Variants in CRTAP observed in about 807,000 individuals in gnomAD.
CRTAP encodes cartilage associated protein, also known as cartilage-associated protein.
In CRTAP, 33 loss-of-function variants were observed where a neutral mutation model predicts 42.7. That is an observed-to-expected ratio of 0.77 (90% CI 0.59 to 1.03). The LOEUF (loss-of-function observed/expected upper bound fraction) is 1.03, where lower values mean the gene tolerates loss of function less well. CRTAP is among the 50% of genes least tolerant of loss of function. CRTAP has a pLI of 0.00. For missense variants in CRTAP, 613 were observed against 533.9 expected, an observed-to-expected ratio of 1.15 and a Z score of -1.46; for synonymous variants, 243 against 217.7, an observed-to-expected ratio of 1.12 and a Z score of -1.02.
At chr3:33,114,618 C>G (rs1701323085) in intron 1 of CRTAP, 70 bp downstream of exon 1, 16 of 1,449,700 alleles carry the variant, frequency 1.1e-5, no homozygotes, top group Non-Finnish European at 1.5e-5. Flanking sequence ...CTAGCCCCGC[C>G]CCTGCGCCCG....
chr3:33,138,634 ATTAG>A (rs1559437325), intron 6 of CRTAP, among the ~76,000 whole-genome samples: 1 of 152,176 alleles, frequency 6.6e-6, no homozygotes, highest in Non-Finnish European at 1.5e-5. Flanking sequence ...GAACTTATTT[ATTAG>A]TTTGTATGTG....
At chr3:33,123,107 G>C (rs1454314991) in intron 2 of CRTAP, among the ~76,000 whole-genome samples, 1 of 152,064 alleles carries the variant, frequency 6.6e-6, no homozygotes. Context: ...TCTTCTAATC[G>C]AGTCTAATCA....
intron 6 of CRTAP, among the ~76,000 whole-genome samples, chr3:33,137,254 C>G (rs940883600): frequency 6.6e-6 from 1 of 152,160 alleles, no homozygotes; most frequent in African/African-American, 2.4e-5. Context: ...GATTCCCTGC[C>G]TCAGCCATCC....
At chr3:33,142,367 A>G (rs558259094) in intron 6 of CRTAP, 28 bp from the exon 7 acceptor site, 2 of 1,603,346 alleles carry the variant, frequency 1.2e-6, no homozygotes, top group African/African-American at 1.3e-5. Context: ...TAGCCCATTT[A>G]ATAAAGTTGT....
chr3:33,142,778 C>A lies in CRTAP; in HGVS notation c.*330C>A, dbSNP rs571248304. The A allele has an allele frequency of 7.2e-6, 2 of 278,702 alleles. No homozygotes were observed. Among genetic ancestry groups the A allele is most frequent in the South Asian group, 4.6e-5 (1 of 21,518 alleles). 17.3% of individuals were successfully genotyped at this position (278,702 alleles called of 1,614,324 possible). The stretch of plus-strand genomic sequence containing the variant: ...CAAGCAATTCTGCTGCATCAGCCTC[C>A]CGAGTACCTGGGATTACAGGCATGT... On this transcript the variant is annotated 3_prime_UTR_variant, in exon 7 of 7. Coordinates refer to ENST00000320954, the MANE Select transcript of CRTAP (RefSeq NM_006371.5).
chr3:33,139,693 G>A lies in CRTAP; in HGVS notation c.1153-2702G>A, dbSNP rs59508727. Among the ~76,000 whole-genome samples, 536 of 152,172 alleles carry A rather than the reference G, an allele frequency of 3.5e-3. 4 individuals are homozygous for A. Among genetic ancestry groups the A allele is most frequent in the African/African-American group, 0.012 (497 of 41,520 alleles). ...GGGTTTCACCATGTTGGCCAGTCTG[G>A]TCTCGAACTCCTGACCTCAGGTGAT... On this transcript the variant is annotated intron_variant, in intron 6 of 6. Transcript: ENST00000320954.
rs2030611512 is a variant in CRTAP, at chr3:33,142,680, A to T, written c.*232A>T. ...CTTTCTCACCTTTTTTTTGAGATGGAGTCTCGCTCTCTTGCCCAGGCTGGA... is the reference window on the plus strand; with the variant it reads ...CTTTCTCACCTTTTTTTTGAGATGGTGTCTCGCTCTCTTGCCCAGGCTGGA... On this transcript the variant is annotated 3_prime_UTR_variant, in exon 7 of 7. Transcript: ENST00000320954. The T allele has an allele frequency of 2.0e-6, 1 of 504,780 alleles. No homozygotes were observed. The highest frequency in any genetic ancestry group is 3.2e-5 in the Admixed American group (1 of 31,130). The allele number at this position is 504,780 out of a possible 1,614,324, so 31.3% of individuals were successfully genotyped here.
intron 6 of CRTAP, among the ~76,000 whole-genome samples, chr3:33,139,322 G>A (rs1233817663): frequency 6.6e-6 from 1 of 152,014 alleles, no homozygotes; most frequent in Non-Finnish European, 1.5e-5. Flanking sequence ...AAAAAGAAGT[G>A]GAGAGAGTGA....
At chr3:33,139,946 T>C (rs1362286056) in intron 6 of CRTAP, among the ~76,000 whole-genome samples, 1 of 152,250 alleles carries the variant, frequency 6.6e-6, no homozygotes, top group African/African-American at 2.4e-5. Flanking sequence ...AGCCTTTTTG[T>C]AGGCATTTAG....
Position 33,114,281 on chromosome 3 carries a change from G to A in CRTAP, c.204G>A (p.Glu68=), listed in dbSNP as rs1701313686. 4 of 1,578,260 alleles carry A rather than the reference G, an allele frequency of 2.5e-6. No homozygotes were observed. Among genetic ancestry groups the A allele is most frequent in the African/African-American group, 2.7e-5 (2 of 73,166 alleles). The change falls in exon 1 of 7, where the codon GAG becomes GAA. Residue 68 remains glutamate, a synonymous_variant. Coordinates refer to ENST00000320954, the MANE Select transcript of CRTAP (RefSeq NM_006371.5). ...EHWAESVGYL[E]ISLRLHRLLR... ...GGGCCGAGAGCGTGGGCTACCTGGA[G>A]ATCAGCCTGCGGCTGCACCGCTTGC...
In CRTAP at chr3:33,114,151, G is replaced by A. The variant is rs761200567; in HGVS notation, c.74G>A (p.Arg25His). ...GTGGCCTGCGCGCTGCGCGCCGGGC[G>A]CGCCCAATACGAACGCTACAGCTTC... is the stretch of plus-strand genomic sequence containing the variant. ...LCVACALRAG[R>H]AQYERYSFRS... Residue 25 changes from arginine (R) to histidine (H), a missense_variant, in exon 1 of 7, where the codon CGC (arginine) becomes CAC (histidine). Arg to His is a conservative substitution (Grantham distance 29, BLOSUM62 0). Transcript: ENST00000320954. 22 of 1,580,242 alleles carry A rather than the reference G, an allele frequency of 1.4e-5. No homozygotes were observed. The South Asian group carries it at 2.4e-4, about 17-fold the overall frequency.
intron 2 of CRTAP, among the ~76,000 whole-genome samples, chr3:33,123,959 T>C (rs1168136353): frequency 3.3e-5 from 5 of 152,242 alleles, no homozygotes; most frequent in Non-Finnish European, 5.9e-5. Flanking sequence ...ATATACAATA[T>C]ATTTATCAAT....
rs779832379 is a variant in CRTAP, at chr3:33,124,555, A to C, written c.769A>C (p.Lys257Gln). The C allele has an allele frequency of 1.9e-6, 3 of 1,614,238 alleles. No homozygotes were observed. Among genetic ancestry groups the C allele is most frequent in the Non-Finnish European group, 2.5e-6 (3 of 1,180,038 alleles). ...CEGSREIKDF[K>Q]DFYLSIADHY... ...GGGTTCCAGGGAGATCAAGGACTTC[A>C]AGGATTTCTACCTTTCCATAGCAGG... Residue 257 changes from lysine (K) to glutamine (Q), a missense_variant, in exon 3 of 7, where the codon AAG becomes CAG. Lys to Gln is a moderately conservative substitution (Grantham distance 53). Coordinates refer to ENST00000320954, the MANE Select transcript of CRTAP (RefSeq NM_006371.5).
intron 6 of CRTAP, among the ~76,000 whole-genome samples, chr3:33,137,980 C>A (rs1178142230): frequency 6.6e-6 from 1 of 152,140 alleles, no homozygotes; most frequent in East Asian, 1.9e-4. Context: ...GTCTTGGTAC[C>A]CTTTGAAAGA....
At chr3:33,138,933 G>A (rs1038808993) in intron 6 of CRTAP, among the ~76,000 whole-genome samples, 7 of 152,030 alleles carry the variant, frequency 4.6e-5, no homozygotes, top group Middle Eastern at 3.4e-3. Context: ...ACCTGAGGTC[G>A]GGAGTTTGAG....
In CRTAP at chr3:33,144,150, A is replaced by G. The variant is rs1354582490; in HGVS notation, c.*1702A>G. ...GCAACAGCAGTGGTCAAATATCTAG[A>G]TTTATTTTGAAAAGAGCCAATAGGA... On this transcript the variant is annotated 3_prime_UTR_variant, in exon 7 of 7. Transcript: ENST00000320954. 1 of 152,240 alleles carries G rather than the reference A, an allele frequency of 6.6e-6. No homozygotes were observed. The highest frequency in any genetic ancestry group is 2.4e-5 in the African/African-American group (1 of 41,464). 9.4% of individuals were successfully genotyped at this position (152,240 alleles called of 1,614,324 possible).
At chr3:33,121,398 C>T (rs1259663646) in intron 2 of CRTAP, among the ~76,000 whole-genome samples, 1 of 135,246 alleles carries the variant, frequency 7.4e-6, no homozygotes, top group African/African-American at 3.8e-5. Context: ...GGCGACAGAG[C>T]GAGACTCTGT....
At chr3:33,141,352 C>T (rs1250964084) in intron 6 of CRTAP, among the ~76,000 whole-genome samples, 1 of 152,196 alleles carries the variant, frequency 6.6e-6, no homozygotes, top group African/African-American at 2.4e-5. Context: ...TAGAAAGCAA[C>T]TGAAAAACAA....
chr3:33,134,162 T>C lies in CRTAP; in HGVS notation c.1069-20T>C. 1.3e-6 allele frequency: 2 copies of C among 1,579,706 alleles called. No homozygotes were observed. The highest frequency in any genetic ancestry group is 1.7e-6 in the Non-Finnish European group (2 of 1,148,598). Reference sequence around the variant, plus strand: ...TGAAAAGGTTGGTCCTATAAACTGTTCTCTGTTGTGTCTGAACAGGAAGCA... The same window carrying C: ...TGAAAAGGTTGGTCCTATAAACTGTCCTCTGTTGTGTCTGAACAGGAAGCA... On this transcript the variant is annotated intron_variant, in intron 5 of 6. Transcript: ENST00000320954.
Sources: gnomAD v4.1 joint callset for allele counts (sites outside exome capture counted in the v4.1 genomes callset) on GRCh38, gnomAD v4.1.1 for gene constraint, MANE v1.5 for transcripts, NCBI Gene and HGNC (gene_info 2026-07-23, HGNC 2026-07-21) for gene names.